Variants in SLC26A7 observed in about 807,000 individuals in gnomAD.
The protein encoded by SLC26A7 is anion exchange transporter.
In SLC26A7, 59 loss-of-function variants were observed where a neutral mutation model predicts 82.5. The ratio of observed to expected loss-of-function variants is 0.72; its 90% confidence interval spans 0.58 to 0.89. The LOEUF (loss-of-function observed/expected upper bound fraction) is 0.89, where lower values mean the gene tolerates loss of function less well. Among genes scored for constraint, SLC26A7 ranks in the 40% least tolerant of loss-of-function variants. The pLI is 0.00. For missense variants in SLC26A7, 820 were observed against 793.0 expected (o/e 1.03, Z -0.41); for synonymous variants, 271 against 274.3 (o/e 0.99, Z 0.12).
At chr8:91,225,654 T>G (rs1464082100) in intron 2 of SLC26A7, among the ~76,000 whole-genome samples, 2 of 130,392 alleles carry the variant, frequency 1.5e-5, no homozygotes, top group African/African-American at 2.8e-5. Context: ...TTTTTTTTTT[T>G]TTTTTTTTTT....
At chr8:91,243,850 T>C (rs1810506634) in intron 2 of SLC26A7, among the ~76,000 whole-genome samples, 2 of 152,126 alleles carry the variant, frequency 1.3e-5, no homozygotes, top group African/African-American at 4.8e-5. Context: ...GGTCATCACA[T>C]TGGACTAAAA....
In SLC26A7 at chr8:91,343,339, C is replaced by T. The variant is rs376166647; in HGVS notation, c.1027-14C>T. 2.0e-6 allele frequency: 3 copies of T among 1,507,888 alleles called. No individual in the cohort carries two copies. In the African/African-American group the frequency reaches 4.1e-5, roughly 21 times the overall value. The allele number at this position is 1,507,888 out of a possible 1,614,324, so 93.4% of individuals were successfully genotyped here. A position where few individuals can be genotyped will look rare whatever the true frequency, so the allele number is the denominator to read the frequency against. On this transcript the variant is annotated splice_polypyrimidine_tract_variant and intron_variant, in intron 8 of 18. Transcript: ENST00000276609. ...GTGATTAAGATATTATATATTCTCT[C>T]ATGAATCTTGCAGGAATTTTTGGCC... is the stretch of plus-strand genomic sequence containing the variant.
intron 15 of SLC26A7, among the ~76,000 whole-genome samples, chr8:91,372,590 G>A (rs1169196062): frequency 6.6e-6 from 1 of 151,782 alleles, no homozygotes; most frequent in Non-Finnish European, 1.5e-5. Context: ...ATTGATCTAT[G>A]TATCTGTTTT....
intron 2 of SLC26A7, among the ~76,000 whole-genome samples, chr8:91,254,713 T>A (rs1393852150): frequency 6.6e-6 from 1 of 152,140 alleles, no homozygotes; most frequent in East Asian, 1.9e-4. Flanking sequence ...GAAAGAAAGA[T>A]AAAAGAAACT....
chr8:91,324,007 A>G (rs1230050180), intron 5 of SLC26A7, among the ~76,000 whole-genome samples: 1 of 151,886 alleles, frequency 6.6e-6, no homozygotes, highest in Non-Finnish European at 1.5e-5. Flanking sequence ...TTGTATTTTT[A>G]GTAGAGCTGG....
chr8:91,222,627 T>A (rs1388644156), intron 2 of SLC26A7, among the ~76,000 whole-genome samples: 1 of 152,216 alleles, frequency 6.6e-6, no homozygotes, highest in Non-Finnish European at 1.5e-5. Context: ...GTGTTTTTTG[T>A]CATTGGTTCT....
In SLC26A7 at chr8:91,394,190, T is replaced by C. The variant is rs569731061; in HGVS notation, c.1935+151T>C. 1.7e-5 allele frequency: 28 copies of C among 1,611,882 alleles called. No homozygotes were observed. The East Asian group carries it at 5.8e-4, about 33-fold the overall frequency. On this transcript the variant is annotated intron_variant, in intron 18 of 18. Transcript: ENST00000276609. ...CCCACCTCAGACTTTCTATTACAGG[T>C]AAAAGAATGTTTCCATTCTTTTTTT...
chr8:91,253,534 T>C (rs2130702082), intron 2 of SLC26A7, among the ~76,000 whole-genome samples: 1 of 152,248 alleles, frequency 6.6e-6, no homozygotes, highest in African/African-American at 2.4e-5. Flanking sequence ...TCTGAATGCA[T>C]TGATCCTGTT....
intron 5 of SLC26A7, among the ~76,000 whole-genome samples, chr8:91,328,746 T>A (rs1812999007): frequency 6.6e-6 from 1 of 152,012 alleles, no homozygotes; most frequent in African/African-American, 2.4e-5. Flanking sequence ...TATATAAATA[T>A]ATTGTATATG....
At chr8:91,285,197 C>G (rs539283152) in intron 2 of SLC26A7, among the ~76,000 whole-genome samples, 1 of 152,278 alleles carries the variant, frequency 6.6e-6, no homozygotes, top group Non-Finnish European at 1.5e-5. Flanking sequence ...GATGTTCACA[C>G]GCCTTCATTT....
intron 5 of SLC26A7, among the ~76,000 whole-genome samples, chr8:91,333,959 G>A (rs80041532): frequency 5.9e-5 from 9 of 152,256 alleles, no homozygotes; most frequent in Admixed American, 2.6e-4. Context: ...TCCCCTGACC[G>A]CTGTTAATGA....
intron 18 of SLC26A7, 190 bp from the exon 19 acceptor site, chr8:91,394,872 C>A: frequency 2.6e-6 from 1 of 379,526 alleles, no homozygotes; most frequent in Non-Finnish European, 3.6e-6. Flanking sequence ...AGTGGTAGAG[C>A]TGGTTGCAGA....
intron 3 of SLC26A7, among the ~76,000 whole-genome samples, chr8:91,294,924 G>A (rs902152527): frequency 6.6e-6 from 1 of 152,176 alleles, no homozygotes; most frequent in Non-Finnish European, 1.5e-5. Context: ...ACCACAGAGG[G>A]TGGAAAGATT....
intron 2 of SLC26A7, among the ~76,000 whole-genome samples, chr8:91,234,807 A>C (rs1446509787): frequency 5.6e-5 from 7 of 124,830 alleles, no homozygotes; most frequent in South Asian, 2.9e-4. Flanking sequence ...CTACCTACCT[A>C]CCTACCTACC....
Position 91,315,471 on chromosome 8 carries a change from A to T in SLC26A7, c.478-2745A>T, listed in dbSNP as rs67356082. On this transcript the variant is annotated intron_variant, in intron 4 of 18. Transcript: ENST00000276609. ...CAAGAGCTGCCAAAAAAAAAAAAAA[A>T]CACCATGTTCCACTTGTGCCCACAC... Among the ~76,000 whole-genome samples, 211 of 151,330 alleles carry T rather than the reference A, an allele frequency of 1.4e-3. 3 individuals are homozygous for T. The highest frequency in any genetic ancestry group is 4.8e-3 in the African/African-American group (195 of 41,012).
chr8:91,289,270 T>G, intron 3 of SLC26A7, 24 bp downstream of exon 3: 1 of 1,547,350 alleles, frequency 6.5e-7, no homozygotes, highest in East Asian at 2.2e-5. Context: ...TGTTTATGCT[T>G]CTAATGTTAC....
chr8:91,237,530 C>G (rs1425829736), intron 2 of SLC26A7, among the ~76,000 whole-genome samples: 1 of 152,172 alleles, frequency 6.6e-6, no homozygotes, highest in African/African-American at 2.4e-5. Flanking sequence ...CTCCTGTAAT[C>G]AGTGCCCTTT....
chr8:91,328,279 A>G (rs1019340781), intron 5 of SLC26A7, among the ~76,000 whole-genome samples: 1 of 152,034 alleles, frequency 6.6e-6, no homozygotes, highest in South Asian at 2.1e-4. Flanking sequence ...AGAGATCTTT[A>G]TTTATCTTTT....
intron 2 of SLC26A7, among the ~76,000 whole-genome samples, chr8:91,220,133 G>A (rs1258062687): frequency 6.6e-6 from 1 of 152,080 alleles, no homozygotes; most frequent in Non-Finnish European, 1.5e-5. Context: ...AAACCAGAGA[G>A]CAAAGTTCAG....
Sources: allele counts gnomAD v4.1 joint callset (sites outside exome capture counted in the v4.1 genomes callset), GRCh38; gene constraint gnomAD v4.1.1; transcripts MANE v1.5; gene names NCBI Gene and HGNC (gene_info 2026-07-23, HGNC 2026-07-21).